Variants in ARID5B observed in about 807,000 individuals in gnomAD.
The protein encoded by ARID5B is AT-rich interaction domain 5B.
In ARID5B, 13 loss-of-function variants were observed where a neutral mutation model predicts 97.2. The ratio of observed to expected loss-of-function variants is 0.13; its 90% CI spans 0.09 to 0.21. The LOEUF (loss-of-function observed/expected upper bound fraction) is 0.21, where lower values mean the gene tolerates loss of function less well. ARID5B is among the 10% of genes least tolerant of loss of function. The pLI, the probability that ARID5B is intolerant of heterozygous loss-of-function variation, is 1.00. For synonymous variants in ARID5B, 556 were observed against 570.3 expected (o/e 0.97, Z 0.36); for missense variants, 1,210 against 1,465.3 (o/e 0.83, Z 2.84).
At chr10:62,081,873 A>G (rs1840217974) in intron 8 of ARID5B, among the ~76,000 whole-genome samples, 1 of 152,254 alleles carries the variant, frequency 6.6e-6, no homozygotes, top group Non-Finnish European at 1.5e-5. Context: ...CTTGAGATTT[A>G]GCAAAGCCGA....
chr10:61,904,219 T>A (rs1159100690), intron 2 of ARID5B, among the ~76,000 whole-genome samples: 1 of 152,154 alleles, frequency 6.6e-6, no homozygotes, highest in East Asian at 1.9e-4. Flanking sequence ...GACTTCTGAC[T>A]AAGTCCAGGA....
chr10:62,057,566 G>T (rs1839872912), intron 6 of ARID5B, among the ~76,000 whole-genome samples: 1 of 152,150 alleles, frequency 6.6e-6, no homozygotes, highest in Admixed American at 6.5e-5. Flanking sequence ...ACTGGAAATA[G>T]ACATGTTGAA....
At chr10:61,930,735 A>G (rs150435577) in intron 2 of ARID5B, among the ~76,000 whole-genome samples, 2,592 of 151,246 alleles carry the variant, frequency 0.017, 81 homozygotes, top group African/African-American at 0.06. Flanking sequence ...ATAAATAAAT[A>G]AATAAATAAA....
At position 61,907,965 on chromosome 10, in the gene ARID5B, C is replaced by T. The variant is rs1843733981; in HGVS notation, c.276+5552C>T. The stretch of plus-strand genomic sequence containing the variant: ...TGCAATAAGGTAGATGATTGTGTAC[C>T]TATTTTTCTTTCTTGAGTTTTGGCC... On this transcript the variant is annotated intron_variant, in intron 2 of 9. Transcript: ENST00000279873. Among the ~76,000 whole-genome samples, 7 of 152,172 alleles carry T rather than the reference C, an allele frequency of 4.6e-5. No individual in the cohort carries two copies. In the South Asian group the frequency reaches 1.4e-3, roughly 31 times the overall value.
chr10:62,004,223 G>C (rs1008516005), intron 4 of ARID5B, among the ~76,000 whole-genome samples: 1 of 152,142 alleles, frequency 6.6e-6, no homozygotes. Flanking sequence ...TGCTTACAGA[G>C]CTGTGCAATG....
At chr10:62,018,126 G>A (rs377579704) in intron 4 of ARID5B, among the ~76,000 whole-genome samples, 1 of 152,136 alleles carries the variant, frequency 6.6e-6, no homozygotes, top group Admixed American at 6.6e-5. Flanking sequence ...TCTGCAAGGT[G>A]GCAATTAATT....
intron 8 of ARID5B, among the ~76,000 whole-genome samples, chr10:62,083,851 T>C (rs572948245): frequency 6.6e-5 from 10 of 152,058 alleles, no homozygotes; most frequent in African/African-American, 4.8e-5. Flanking sequence ...AAAAAAGGAA[T>C]TGGGGGGAAT....
chr10:61,951,491 C>A (rs4414169), intron 3 of ARID5B, among the ~76,000 whole-genome samples: 2 of 152,108 alleles, frequency 1.3e-5, no homozygotes, highest in South Asian at 2.1e-4. Flanking sequence ...GCTTAGGATC[C>A]CTGTTTCTTT....
chr10:62,093,218 C>A lies in ARID5B; in HGVS notation c.*188C>A. 2 of 794,342 alleles carry A rather than the reference C, an allele frequency of 2.5e-6. No individual in the cohort carries two copies. The highest frequency in any genetic ancestry group is 3.8e-6 in the Non-Finnish European group (2 of 529,118). 49.2% of individuals were successfully genotyped at this position (794,342 alleles called of 1,614,324 possible). On this transcript the variant is annotated 3_prime_UTR_variant, in exon 10 of 10. Transcript: ENST00000279873. ...TTGTGGGACAACTCTAGCCCACAAA[C>A]TGACTGGCTGGTGAGTCTTGACTCC... is the stretch of plus-strand genomic sequence containing the variant.
At chr10:61,954,413 G>A (rs1039574546) in intron 3 of ARID5B, among the ~76,000 whole-genome samples, 1 of 151,698 alleles carries the variant, frequency 6.6e-6, no homozygotes, top group Non-Finnish European at 1.5e-5. Flanking sequence ...TATAAATTTC[G>A]ATGCTAAAAT....
chr10:61,948,532 A>G lies in ARID5B; in HGVS notation c.502+8124A>G, dbSNP rs564824972. 3.3e-5 allele frequency among the ~76,000 whole-genome samples: 5 copies of G among 151,802 alleles called. No homozygotes were observed. The South Asian group carries it at 6.2e-4, about 19-fold the overall frequency. The stretch of plus-strand genomic sequence containing the variant: ...CAGGTGCGCGCCACCACATCCGGCT[A>G]ATTTTTTTGTATTTTAGTAGAGACG... On this transcript the variant is annotated intron_variant, in intron 3 of 9. Coordinates refer to ENST00000279873, the MANE Select transcript of ARID5B (RefSeq NM_032199.3).
chr10:61,958,998 G>A (rs1838432959), intron 3 of ARID5B, among the ~76,000 whole-genome samples: 1 of 152,146 alleles, frequency 6.6e-6, no homozygotes, highest in Non-Finnish European at 1.5e-5. Context: ...GGCTGCATTG[G>A]CAATGAAAGG....
chr10:62,049,161 A>G, intron 4 of ARID5B: 1 of 1,238,176 alleles, frequency 8.1e-7, no homozygotes, highest in South Asian at 2.1e-5. Flanking sequence ...CAGGATCCAC[A>G]AAACAGGCCG....
At chr10:62,057,772 A>G (rs1208909720) in intron 6 of ARID5B, among the ~76,000 whole-genome samples, 2 of 152,220 alleles carry the variant, frequency 1.3e-5, no homozygotes, top group African/African-American at 4.8e-5. Context: ...TTAAAATATA[A>G]CAAAAATCCA....
intron 3 of ARID5B, among the ~76,000 whole-genome samples, chr10:61,959,723 C>G (rs1838443514): frequency 6.6e-6 from 1 of 152,094 alleles, no homozygotes; most frequent in Admixed American, 6.6e-5. Flanking sequence ...ACTGTTCTCC[C>G]CAAGAAGCCA....
intron 2 of ARID5B, among the ~76,000 whole-genome samples, chr10:61,907,667 A>G (rs984494894): frequency 3.9e-5 from 6 of 152,286 alleles, no homozygotes; most frequent in African/African-American, 7.2e-5. Flanking sequence ...TAGAACAAAG[A>G]TAAGAATGTA....
At chr10:61,954,589 G>A (rs1469137544) in intron 3 of ARID5B, among the ~76,000 whole-genome samples, 7 of 152,204 alleles carry the variant, frequency 4.6e-5, no homozygotes, top group Non-Finnish European at 7.4e-5. Flanking sequence ...CTCCTCTGAT[G>A]TTTCTCTGGC....
chr10:61,940,324 A>G lies in ARID5B; in HGVS notation c.418A>G (p.Lys140Glu), dbSNP rs773630126. The change falls in exon 3 of 10, where the codon AAG becomes GAG. Residue 140 changes from lysine to glutamate, a missense_variant. Around this residue, in one of 8 missense-constraint regions of ARID5B, gnomAD observed 82 missense variants for 79.3 expected, o/e 1.03. Coordinates refer to ENST00000279873, the MANE Select transcript of ARID5B (RefSeq NM_032199.3). ...TGAGGCCTTGGGAAGGAATGGACAG[A>G]AGGAAGCTCTGCTGAAGTACAGGCA... ...KTEALGRNGQKEALLKYRQST... is the reference protein window; with the variant it reads ...KTEALGRNGQEEALLKYRQST... 5 of 1,614,158 alleles carry G rather than the reference A, an allele frequency of 3.1e-6. No individual in the cohort carries two copies. Among genetic ancestry groups the G allele is most frequent in the South Asian group, 1.1e-5 (1 of 91,082 alleles).
At chr10:62,084,238 A>G (rs533082078) in intron 8 of ARID5B, among the ~76,000 whole-genome samples, 1 of 152,170 alleles carries the variant, frequency 6.6e-6, no homozygotes, top group Non-Finnish European at 1.5e-5. Context: ...ATAAATTGGG[A>G]TCTGATTTTC....
Sources: gnomAD v4.1 joint callset for allele counts (sites outside exome capture counted in the v4.1 genomes callset) on GRCh38, gnomAD v4.1.1 for gene constraint, gnomAD v4.1.1 regional missense constraint, MANE v1.5 for transcripts, NCBI Gene and HGNC (gene_info 2026-07-23, HGNC 2026-07-21) for gene names.